The following PAK6 variants were observed in gnomAD, a reference collection of about 807,000 sequenced individuals.
PAK6 encodes serine/threonine-protein kinase PAK 6.
In PAK6, 33 loss-of-function variants were observed where a neutral mutation model predicts 60.8. The observed-to-expected ratio is 0.54, with a 90% CI of 0.41 to 0.73. The LOEUF is 0.73. PAK6 is among the 30% of genes least tolerant of loss of function. The pLI, the probability that PAK6 is intolerant of heterozygous loss-of-function variation, is 0.00. For synonymous variants in PAK6, 404 were observed against 378.5 expected (o/e 1.07, Z -0.78); for missense variants, 845 against 904.1 (o/e 0.93, Z 0.84).
chr15:40,252,844 T>C lies in PAK6; in HGVS notation c.-117-334T>C, dbSNP rs759575498. On this transcript the variant is annotated intron_variant, in intron 2 of 10. Transcript: ENST00000560346. ...GCAGGCATCTGGAGCTCCGCGTCCC[T>C]GGAGCGGGACCTCCCTCCGCGGGCG... is the stretch of plus-strand genomic sequence containing the variant. 33 of 1,280,378 alleles carry C rather than the reference T, an allele frequency of 2.6e-5. 2 individuals carry two copies. Among genetic ancestry groups the C allele is most frequent in the South Asian group, 2.5e-4 (20 of 79,724 alleles). 79.3% of individuals were successfully genotyped at this position (1,280,378 alleles called of 1,614,324 possible).
At chr15:40,268,503 C>T (rs2039210492) in intron 5 of PAK6, among the ~76,000 whole-genome samples, 1 of 152,230 alleles carries the variant, frequency 6.6e-6, no homozygotes, top group African/African-American at 2.4e-5. Context: ...TCCTCCTCCA[C>T]CACCACCTAC....
At chr15:40,240,420 C>CA (rs1463345653) in intron 1 of PAK6, 179 bp from the exon 2 acceptor site, 1 of 346,046 alleles carries the variant, frequency 2.9e-6, no homozygotes, top group Non-Finnish European at 5.7e-6. Flanking sequence ...CCCTTCTCCC[C>CA]CACACAGCTG....
intron 2 of PAK6, among the ~76,000 whole-genome samples, chr15:40,244,653 C>T (rs1251632687): frequency 2.0e-5 from 3 of 152,098 alleles, no homozygotes; most frequent in Non-Finnish European, 4.4e-5. Flanking sequence ...CGACCTCAGC[C>T]TCCCAAAGTG....
chr15:40,276,248 G>A (rs2039452914), exon 11 of PAK6: 5 of 725,814 alleles, frequency 6.9e-6, no homozygotes, highest in Non-Finnish European at 9.0e-6. Flanking sequence ...TCAGCCTACT[G>A]GGCCAGGCCG....
At chr15:40,274,946 CAAAAA>C (rs956738594) in intron 10 of PAK6, among the ~76,000 whole-genome samples, 2 of 152,032 alleles carry the variant, frequency 1.3e-5, no homozygotes, top group African/African-American at 4.8e-5. Flanking sequence ...TCTAAAATAG[CAAAAA>C]AACAAGAGTT....
intron 10 of PAK6, 26 bp downstream of exon 10, chr15:40,274,302 C>G: frequency 6.4e-7 from 1 of 1,564,388 alleles, no homozygotes; most frequent in Non-Finnish European, 8.7e-7. Flanking sequence ...AGGGTGCGAC[C>G]TCGCAGACCC....
intron 3 of PAK6, chr15:40,259,682 G>A (rs2038932206): frequency 6.6e-6 from 1 of 150,728 alleles, no homozygotes; most frequent in African/African-American, 2.4e-5. Context: ...AGCTACTTGG[G>A]AGGCTGAGGC....
chr15:40,271,444 C>A (rs1262156025), intron 5 of PAK6, among the ~76,000 whole-genome samples: 1 of 152,150 alleles, frequency 6.6e-6, no homozygotes, highest in Non-Finnish European at 1.5e-5. Context: ...GAGTTTCATG[C>A]CAGGGAGGAA....
At chr15:40,249,736 GCCC>G in intron 2 of PAK6, among the ~76,000 whole-genome samples, 1 of 152,350 alleles carries the variant, frequency 6.6e-6, no homozygotes, top group South Asian at 2.1e-4. Flanking sequence ...CGAGCACTCA[GCCC>G]TGGCTGTTGG....
At chr15:40,273,265 G>T (rs2039359889) in intron 7 of PAK6, 81 bp from the exon 8 acceptor site, 2 of 1,510,024 alleles carry the variant, frequency 1.3e-6, no homozygotes, top group South Asian at 1.2e-5. Flanking sequence ...TAGCACCAGG[G>T]ACTCCTACTC....
At chr15:40,269,564 T>A (rs2039244098) in intron 5 of PAK6, among the ~76,000 whole-genome samples, 1 of 152,232 alleles carries the variant, frequency 6.6e-6, no homozygotes, top group Non-Finnish European at 1.5e-5. Context: ...CCTTTCCCTT[T>A]CTTGTGTGGC....
chr15:40,248,473 A>G (rs931886609), intron 2 of PAK6, among the ~76,000 whole-genome samples: 1 of 152,184 alleles, frequency 6.6e-6, no homozygotes. Context: ...CATCCAGCAC[A>G]CGTGCCCCCA....
chr15:40,275,280 G>GTTTTCTTTTTTT lies in PAK6; in HGVS notation c.1879-643_1879-642insCTTTTTTTTTTT, dbSNP rs1448905930. Among the ~76,000 whole-genome samples, 71 of 56,512 alleles carry GTTTTCTTTTTTT rather than the reference G, an allele frequency of 1.3e-3. 8 individuals carry two copies. The highest frequency in any genetic ancestry group is 2.0e-3 in the South Asian group (3 of 1,476). The allele number at this position is 56,512 out of a possible 152,430, so 37.1% of individuals were successfully genotyped here. A position where few individuals can be genotyped will look rare whatever the true frequency, so the allele number is the denominator to read the frequency against. ...GACTTGTTTGTTTCTGTTGTTGTTG[G>GTTTTCTTTTTTT]TTTTTTTTTTTTTTTTTTTTTTGGA... On this transcript the variant is annotated intron_variant, in intron 10 of 10. Transcript: ENST00000560346.
chr15:40,252,505 TG>T (rs2038703566), intron 2 of PAK6: 21 of 1,363,526 alleles, frequency 1.5e-5, no homozygotes, highest in Non-Finnish European at 2.0e-5. Flanking sequence ...TCCCGCGCTC[TG>T]GGTTCGCCGC....
chr15:40,273,331 C>T lies in PAK6; in HGVS notation c.1491-15C>T, dbSNP rs1419039911. On this transcript the variant is annotated splice_polypyrimidine_tract_variant and intron_variant, in intron 7 of 10. Transcript: ENST00000560346. ...AACGTTCTCTTTCATCGGGTGGCCC[C>T]ACCTTCCTGTCCAGGCTGAATGAGG... 1 of 1,611,950 alleles carries T rather than the reference C, an allele frequency of 6.2e-7. No individual in the cohort carries two copies. The highest frequency in any genetic ancestry group is 2.2e-5 in the East Asian group (1 of 44,876).
chr15:40,262,799 T>G (rs558770030), intron 3 of PAK6, among the ~76,000 whole-genome samples: 2 of 152,358 alleles, frequency 1.3e-5, no homozygotes, highest in East Asian at 3.9e-4. Flanking sequence ...CTCTGCTTAC[T>G]TCACACACCC....
At chr15:40,257,405 G>A (rs1419901603) in intron 3 of PAK6, among the ~76,000 whole-genome samples, 3 of 152,356 alleles carry the variant, frequency 2.0e-5, no homozygotes, top group South Asian at 4.1e-4. Flanking sequence ...CCTTGAAAGG[G>A]ACTCAGTATG....
chr15:40,271,253 A>T (rs147553072), intron 5 of PAK6, among the ~76,000 whole-genome samples: 1 of 152,324 alleles, frequency 6.6e-6, no homozygotes, highest in East Asian at 1.9e-4. Flanking sequence ...TGTCAGAAAG[A>T]GCAGAAGGGC....
intron 2 of PAK6, 84 bp downstream of exon 2, chr15:40,240,765 G>T (rs761427987): frequency 1.8e-5 from 7 of 394,582 alleles, no homozygotes; most frequent in Non-Finnish European, 3.0e-5. Flanking sequence ...CTCCCACCTG[G>T]GACAGGGAGG....
Sources: allele counts gnomAD v4.1 joint callset (sites outside exome capture counted in the v4.1 genomes callset), GRCh38; gene constraint gnomAD v4.1.1; transcripts MANE v1.5; gene names NCBI Gene and HGNC (gene_info 2026-07-23, HGNC 2026-07-21).